The following STARD13 variants were observed in gnomAD, a reference collection of about 807,000 sequenced individuals.
STARD13 encodes the protein stAR-related lipid transfer protein 13.
Under a neutral mutation model 106.4 loss-of-function variants are expected in STARD13, and 62 were observed. That is an observed-to-expected ratio of 0.58 (90% confidence interval 0.48 to 0.72). STARD13 has a LOEUF of 0.72. STARD13 is among the 30% of genes least tolerant of loss of function. The pLI is 0.00. For synonymous variants in STARD13, 565 were observed against 553.0 expected, an observed-to-expected ratio of 1.02 and a Z score of -0.31; for missense variants, 1,387 against 1,424.0, an observed-to-expected ratio of 0.97 and a Z score of 0.42.
chr13:33,177,797 AAGGAAAGG>A (rs1257724618), intron 1 of STARD13, among the ~76,000 whole-genome samples: 768 of 29,986 alleles, frequency 0.026, 181 homozygotes, highest in Non-Finnish European at 0.032. Flanking sequence ...GGAAGGAAGG[AAGGAAAGG>A]AAGGAAGGAA....
intron 4 of STARD13, among the ~76,000 whole-genome samples, chr13:33,141,496 A>C (rs1216945173): frequency 6.6e-6 from 1 of 152,260 alleles, no homozygotes; most frequent in South Asian, 2.1e-4. Context: ...GAAGCAGCAC[A>C]TGGCAAGTCC....
At chr13:33,350,657 C>A, upstream of STARD13, 4 of 1,264,382 alleles carry the variant, frequency 3.2e-6, no homozygotes, top group African/African-American at 1.6e-5. Flanking sequence ...AACTCCTCTA[C>A]TCCTTTCCCA....
chr13:33,345,040 G>A (rs867101645), downstream of STARD13, among the ~76,000 whole-genome samples: 16 of 152,222 alleles, frequency 1.1e-4, no homozygotes, highest in Admixed American at 6.5e-4. Flanking sequence ...GTCACCAGCA[G>A]TGGTTGATTA....
chr13:33,343,589 A>C (rs1466883947), intron 1 of STARD13, among the ~76,000 whole-genome samples: 1 of 91,824 alleles, frequency 1.1e-5, no homozygotes, highest in African/African-American at 5.3e-5. Context: ...AAAAAAAAAA[A>C]AAAAAAAACA....
At chr13:33,147,218 T>C (rs1234474330) in intron 3 of STARD13, among the ~76,000 whole-genome samples, 1 of 152,150 alleles carries the variant, frequency 6.6e-6, no homozygotes, top group Admixed American at 6.5e-5. Context: ...GAGAATGAGA[T>C]GTCCATAGGG....
At chr13:33,648,621 G>A in the STARD13 span, among the ~76,000 whole-genome samples, 2 of 151,976 alleles carry the variant, frequency 1.3e-5, no homozygotes, top group Non-Finnish European at 2.9e-5. Flanking sequence ...TGTGTATTAA[G>A]GAGGTCCTTA....
At chr13:33,326,160 T>TA (rs950073559) in intron 1 of STARD13, among the ~76,000 whole-genome samples, 3 of 152,040 alleles carry the variant, frequency 2.0e-5, no homozygotes, top group African/African-American at 7.2e-5. Context: ...AGAACAACTG[T>TA]AAAAATCACA....
intron 1 of STARD13, among the ~76,000 whole-genome samples, chr13:33,329,651 GTGTA>G (rs920582392): frequency 9.9e-5 from 7 of 70,780 alleles, no homozygotes; most frequent in African/African-American, 2.0e-4. Context: ...CATTGTGTGT[GTGTA>G]TGTGTGTGTG....
At chr13:33,358,762 A>G in the STARD13 span, among the ~76,000 whole-genome samples, 8 of 151,994 alleles carry the variant, frequency 5.3e-5, no homozygotes, top group Non-Finnish European at 8.8e-5. Context: ...GGATGTGGAG[A>G]GTCTTTATGT....
At chr13:33,209,483 C>A (rs537718450) in intron 1 of STARD13, among the ~76,000 whole-genome samples, 2 of 150,852 alleles carry the variant, frequency 1.3e-5, no homozygotes, top group African/African-American at 4.9e-5. Flanking sequence ...AATTCCAGGG[C>A]CTAAGAAGCC....
chr13:33,127,491 A>G lies in STARD13; in HGVS notation c.1804T>C (p.Ser602Pro), dbSNP rs1315292659. The G allele has an allele frequency of 6.3e-7, 1 of 1,591,500 alleles. No individual in the cohort carries two copies. Among genetic ancestry groups the G allele is most frequent in the African/African-American group, 1.3e-5 (1 of 74,576 alleles). Residue 602 changes from serine to proline, a missense_variant, in exon 6 of 14, where the codon TCG becomes CCG. Transcript: ENST00000336934. Reference protein sequence around the residue: ...LSHQPRPAPASPHISSQTASQ... With the variant: ...LSHQPRPAPAPPHISSQTASQ... The stretch of plus-strand genomic sequence containing the variant: ...GCCGTCTGGCTGCTGATGTGGGGCG[A>G]TGCTGGGGCCGGCCGGGGCTGGTGC...
In STARD13 at chr13:33,126,192, G is replaced by A. The variant is rs375949588; in HGVS notation, c.1971C>T (p.Asp657=). ...MKRMKVPDYK[D]KAVFGVPLIV... ...TGAGAGGAACGCCAAAGACAGCCTTGTCTTTGTAGTCGGGAACTTTCATCC... is the reference window on the plus strand; with the variant it reads ...TGAGAGGAACGCCAAAGACAGCCTTATCTTTGTAGTCGGGAACTTTCATCC... Residue 657 remains aspartate (D), a synonymous_variant, in exon 7 of 14, where the codon GAC becomes GAT. Coordinates refer to ENST00000336934, the MANE Select transcript of STARD13 (RefSeq NM_178006.4). 9.9e-6 allele frequency: 16 copies of A among 1,614,050 alleles called. No individual in the cohort carries two copies. Among genetic ancestry groups the A allele is most frequent in the Non-Finnish European group, 1.4e-5 (16 of 1,180,016 alleles).
the STARD13 span, among the ~76,000 whole-genome samples, chr13:33,670,523 T>A: frequency 6.6e-6 from 1 of 152,200 alleles, no homozygotes; most frequent in African/African-American, 2.4e-5. Flanking sequence ...ATAAATAATC[T>A]TATATTTGTC....
chr13:33,538,862 C>T, the STARD13 span, among the ~76,000 whole-genome samples: 5 of 151,856 alleles, frequency 3.3e-5, no homozygotes, highest in East Asian at 1.9e-4. Flanking sequence ...CTCCGCCTCC[C>T]GGGTTCACAC....
At chr13:33,403,031 A>T in the STARD13 span, among the ~76,000 whole-genome samples, 1 of 152,228 alleles carries the variant, frequency 6.6e-6, no homozygotes, top group Non-Finnish European at 1.5e-5. Flanking sequence ...GGGTCCATTG[A>T]GCTGGTTAAC....
At chr13:33,175,899 C>T (rs1430576769) in intron 1 of STARD13, among the ~76,000 whole-genome samples, 1 of 152,154 alleles carries the variant, frequency 6.6e-6, no homozygotes, top group Non-Finnish European at 1.5e-5. Context: ...GTTTGATTTG[C>T]TCAACTCTTT....
chr13:33,292,062 A>G (rs373490260), intron 1 of STARD13, among the ~76,000 whole-genome samples: 1 of 152,164 alleles, frequency 6.6e-6, no homozygotes, highest in South Asian at 2.1e-4. Context: ...TAAAAAATAA[A>G]CAACTAACTG....
the STARD13 span, among the ~76,000 whole-genome samples, chr13:33,533,672 G>A: frequency 1.2e-4 from 19 of 152,252 alleles, no homozygotes; most frequent in African/African-American, 4.6e-4. Flanking sequence ...GAAGTACATG[G>A]TAAGATCACA....
chr13:33,278,541 G>A (rs1421797035), intron 1 of STARD13: 2 of 152,066 alleles, frequency 1.3e-5, no homozygotes, highest in Non-Finnish European at 2.9e-5. Flanking sequence ...CAGCAGGCAT[G>A]GTTGAAGGCA....
Sources: allele counts gnomAD v4.1 joint callset (sites outside exome capture counted in the v4.1 genomes callset), GRCh38; gene constraint gnomAD v4.1.1; transcripts MANE v1.5; gene names NCBI Gene and HGNC (gene_info 2026-07-23, HGNC 2026-07-21).